Variants in IL3RA observed in about 807,000 individuals in gnomAD.
The protein encoded by IL3RA is interleukin 3 receptor subunit alpha, also known as interleukin-3 receptor subunit alpha.
Under a neutral mutation model 52.3 loss-of-function variants are expected in IL3RA, and 73 were observed. That is an observed-to-expected ratio of 1.40 (90% CI 1.16 to 1.70). The LOEUF (loss-of-function observed/expected upper bound fraction) is 1.70. Ranked by LOEUF, IL3RA falls within the 40% of genes most tolerant of loss-of-function variation. The probability of loss-of-function intolerance (pLI) is 0.00; values close to 1 mark genes in which losing one functional copy is unlikely to be tolerated. For synonymous variants in IL3RA, 260 were observed against 194.0 expected, an observed-to-expected ratio of 1.34 and a Z score of -2.83; for missense variants, 664 against 504.4, an observed-to-expected ratio of 1.32 and a Z score of -3.03.
chrX:1,360,783 C>T (rs775269698), intron 8 of IL3RA, among the ~76,000 whole-genome samples: 175 of 152,124 alleles, frequency 1.2e-3, no homozygotes, highest in African/African-American at 3.7e-3. Flanking sequence ...CTGCCTCATC[C>T]TCTCAAAGTG....
intron 2 of IL3RA, among the ~76,000 whole-genome samples, chrX:1,344,600 C>G (rs2085645380): frequency 6.7e-6 from 1 of 150,370 alleles, no homozygotes; most frequent in East Asian, 2.0e-4. Flanking sequence ...TGGTGAAACC[C>G]CATCTCTAGT....
chrX:1,338,611 TGA>T lies in IL3RA; in HGVS notation c.-39+1691_-39+1692del, dbSNP rs2085384412. ...TGAATGCTGAGGACATCATGCTTCC[TGA>T]GAGAGGCCAGATACAAAAAGATACA... On this transcript the variant is annotated intron_variant, in intron 1 of 11. Coordinates refer to ENST00000331035, the MANE Select transcript of IL3RA (RefSeq NM_002183.4). Among the ~76,000 whole-genome samples, 7 of 152,372 alleles carry T rather than the reference TGA, an allele frequency of 4.6e-5. No individual in the cohort carries two copies. In the South Asian group the frequency reaches 1.4e-3, roughly 32 times the overall value.
chrX:1,354,495 G>A (rs1399254498), intron 6 of IL3RA, among the ~76,000 whole-genome samples: 1 of 144,774 alleles, frequency 6.9e-6, no homozygotes, highest in Non-Finnish European at 1.5e-5. Context: ...ATGAGCAGGG[G>A]GAGGAGGAGG....
chrX:1,377,667 GT>G (rs754580891), intron 9 of IL3RA, among the ~76,000 whole-genome samples: 2,817 of 135,900 alleles, frequency 0.021, 75 homozygotes, highest in African/African-American at 0.067. Context: ...ATAGATGTAT[GT>G]TTTTTTTTTT....
intron 9 of IL3RA, among the ~76,000 whole-genome samples, chrX:1,367,500 C>T (rs1380864240): frequency 4.8e-5 from 3 of 62,076 alleles, no homozygotes; most frequent in South Asian, 6.7e-4. Flanking sequence ...GAGCCGGGTG[C>T]GCGGGGTGAG....
At chrX:1,365,092 A>T in intron 8 of IL3RA, 46 bp from the exon 9 acceptor site, 2 of 1,438,982 alleles carry the variant, frequency 1.4e-6, no homozygotes, top group Non-Finnish European at 9.7e-7. Context: ...GAGAGTCATG[A>T]GCCACCATAC....
At chrX:1,341,892 A>G (rs1240589710) in intron 2 of IL3RA, 63 bp downstream of exon 2, 25 of 1,529,044 alleles carry the variant, frequency 1.6e-5, no homozygotes, top group Middle Eastern at 3.4e-4. Flanking sequence ...CAGACACACA[A>G]TGTCAGCGTG....
intron 9 of IL3RA, among the ~76,000 whole-genome samples, chrX:1,366,690 A>C (rs867364483): frequency 1.4e-4 from 1 of 7,336 alleles, no homozygotes. Flanking sequence ...GCGCGGGGTG[A>C]GCCGGGTGCG....
At chrX:1,361,782 A>G (rs2087413644) in intron 8 of IL3RA, among the ~76,000 whole-genome samples, 2 of 147,520 alleles carry the variant, frequency 1.4e-5, no homozygotes, top group Non-Finnish European at 3.0e-5. Flanking sequence ...AAAAAATGAG[A>G]GCCGAGAGAA....
At chrX:1,360,649 G>A (rs1188383226) in intron 8 of IL3RA, among the ~76,000 whole-genome samples, 1 of 151,740 alleles carries the variant, frequency 6.6e-6, no homozygotes, top group African/African-American at 2.4e-5. Context: ...CTCCCAAGTA[G>A]CTGGGATTAC....
chrX:1,361,721 C>T (rs767497821), intron 8 of IL3RA, among the ~76,000 whole-genome samples: 2 of 146,960 alleles, frequency 1.4e-5, no homozygotes, highest in African/African-American at 5.1e-5. Context: ...CCACTGCACT[C>T]CAGCCTGGGT....
At chrX:1,345,160 C>T (rs1489144473) in intron 2 of IL3RA, among the ~76,000 whole-genome samples, 156 bp from the exon 3 acceptor site, 1 of 150,148 alleles carries the variant, frequency 6.7e-6, no homozygotes. Flanking sequence ...AAGAGTGAAA[C>T]TCCATGTCAA....
chrX:1,345,887 C>T (rs2085720811), intron 3 of IL3RA, among the ~76,000 whole-genome samples: 1 of 152,012 alleles, frequency 6.6e-6, no homozygotes, highest in South Asian at 2.1e-4. Context: ...TACCTGGTTT[C>T]TGCCCCGAAG....
At chrX:1,344,041 A>G (rs184908765) in intron 2 of IL3RA, among the ~76,000 whole-genome samples, 2,791 of 151,890 alleles carry the variant, frequency 0.018, 94 homozygotes, top group African/African-American at 0.062. Context: ...TGATCCGCCC[A>G]CCTTGGCCTC....
At chrX:1,348,658 CTTTCTTTCTT>C (rs2085903646) in intron 4 of IL3RA, 113 bp downstream of exon 4, 2 of 428,394 alleles carry the variant, frequency 4.7e-6, no homozygotes, top group Non-Finnish European at 8.0e-6. Context: ...TTCTTTCTTT[CTTTCTTTCTT>C]TCTTTCTTTC....
intron 2 of IL3RA, 99 bp downstream of exon 2, chrX:1,341,928 C>A: frequency 1.6e-6 from 2 of 1,286,962 alleles, no homozygotes; most frequent in Non-Finnish European, 2.3e-6. Context: ...ACTTTTCATG[C>A]TGAGCTCATG....
intron 4 of IL3RA, among the ~76,000 whole-genome samples, chrX:1,349,521 G>C (rs1380236543): frequency 6.6e-6 from 1 of 151,724 alleles, no homozygotes; most frequent in East Asian, 1.9e-4. Context: ...TATGTTACCT[G>C]AGCTGGTCTC....
Position 1,378,687 on chromosome X carries a change from A to G in IL3RA, c.903A>G (p.Thr301=). ...GCGACCAGGAGGAGGGCGCAAACAC[A>G]CGTGCCTGGCGGACGTCGCTGCTGA... The part of the protein sequence containing the change: ...FECDQEEGAN[T]RAWRTSLLIA... The change falls in exon 10 of 12, where the codon ACA becomes ACG. Residue 301 remains threonine, a synonymous_variant. Transcript: ENST00000331035. The G allele has an allele frequency of 5.6e-6, 9 of 1,612,628 alleles. No individual in the cohort carries two copies. Among genetic ancestry groups the G allele is most frequent in the Non-Finnish European group, 7.6e-6 (9 of 1,179,816 alleles).
At chrX:1,347,361 T>G (rs139019896) in intron 3 of IL3RA, among the ~76,000 whole-genome samples, 13 of 151,072 alleles carry the variant, frequency 8.6e-5, no homozygotes, top group African/African-American at 2.5e-4. Context: ...GGAGAATGGC[T>G]TGAACCTGGG....
Sources: allele counts gnomAD v4.1 joint callset (sites outside exome capture counted in the v4.1 genomes callset), GRCh38; gene constraint gnomAD v4.1.1; transcripts MANE v1.5; gene names NCBI Gene and HGNC (gene_info 2026-07-23, HGNC 2026-07-21).